CCL21: variants seen among roughly 807,000 people sequenced by gnomAD.
CCL21 encodes the protein C-C motif chemokine ligand 21, also known as C-C motif chemokine 21.
CCL21 carries 12 observed loss-of-function variants against 16.4 expected under a neutral mutation model. That is an observed-to-expected ratio of 0.73 (90% CI 0.47 to 1.18). CCL21 has a LOEUF of 1.18. Among genes scored for constraint, CCL21 ranks in the 50% most tolerant of loss-of-function variants. The pLI, the probability that CCL21 is intolerant of heterozygous loss-of-function variation, is 0.00. For synonymous variants in CCL21, 64 were observed against 62.1 expected, an observed-to-expected ratio of 1.03 and a Z score of -0.15; for missense variants, 155 against 163.8, an observed-to-expected ratio of 0.95 and a Z score of 0.29.
chr9:34,709,124 G>A lies in CCL21; in HGVS notation c.*270C>T. 3.7e-6 allele frequency: 2 copies of A among 547,372 alleles called. No individual in the cohort carries two copies. Among genetic ancestry groups the A allele is most frequent in the Middle Eastern group, 4.7e-4 (1 of 2,134 alleles). The allele number at this position is 547,372 out of a possible 1,614,324, so 33.9% of individuals were successfully genotyped here. A position where few individuals can be genotyped will look rare whatever the true frequency, so the allele number is the denominator to read the frequency against. ...AGGGTCCTGATGATTCTCCTTCAAG[G>A]GGACAGTCCTGCTGCCTCCTCTCAT... On this transcript the variant is annotated 3_prime_UTR_variant, in exon 4 of 4. Transcript: ENST00000259607.
In CCL21 at chr9:34,709,968, G is replaced by A. The variant is rs746848128; in HGVS notation, c.67+32C>T. ...CTATCCAGGCCTCTTGATCCCCTTAGCCCCATGCAAGGCCCCTCCCTGCCT... is the reference window on the plus strand; with the variant it reads ...CTATCCAGGCCTCTTGATCCCCTTAACCCCATGCAAGGCCCCTCCCTGCCT... On this transcript the variant is annotated intron_variant, in intron 1 of 3. Transcript: ENST00000259607. 15 of 1,614,078 alleles carry A rather than the reference G, an allele frequency of 9.3e-6. No homozygotes were observed. The Admixed American group carries it at 2.2e-4, about 23-fold the overall frequency.
In CCL21 at chr9:34,710,017, C is replaced by T; in HGVS notation, c.50G>A (p.Gly17Asp). 6.2e-7 allele frequency: 1 copy of T among 1,614,096 alleles called. No homozygotes were observed. The highest frequency in any genetic ancestry group is 1.1e-5 in the South Asian group (1 of 91,064). ...LSLLILVLAF[G>D]IPRTQGSDGG... ...CTTGGTACCTTGGGTCCTGGGGATGCCAAAGGCCAGAACCAGGATAAGGAG... is the reference window on the plus strand; with the variant it reads ...CTTGGTACCTTGGGTCCTGGGGATGTCAAAGGCCAGAACCAGGATAAGGAG... Residue 17 changes from glycine (G) to aspartate (D), a missense_variant, in exon 1 of 4, where the codon GGC becomes GAC. By Grantham distance (94) the Gly-to-Asp change is moderately conservative. Transcript: ENST00000259607.
Position 34,709,240 on chromosome 9 carries a change from G to A in CCL21, c.*154C>T. The A allele has an allele frequency of 3.3e-6, 3 of 916,160 alleles. No individual in the cohort carries two copies. Among genetic ancestry groups the A allele is most frequent in the African/African-American group, 1.7e-5 (1 of 59,784 alleles). 56.8% of individuals were successfully genotyped at this position (916,160 alleles called of 1,614,324 possible). On this transcript the variant is annotated 3_prime_UTR_variant, in exon 4 of 4. Coordinates refer to ENST00000259607, the MANE Select transcript of CCL21 (RefSeq NM_002989.4). ...GCAGGGTAGAGCTGGGAATGCAGATGGGGTGGTTAAAGCAGGAGAAAGAGT... is the reference window on the plus strand; with the variant it reads ...GCAGGGTAGAGCTGGGAATGCAGATAGGGTGGTTAAAGCAGGAGAAAGAGT...
Position 34,709,098 on chromosome 9 carries a change from C to T in CCL21, c.*296G>A, listed in dbSNP as rs1220186499. On this transcript the variant is annotated 3_prime_UTR_variant, in exon 4 of 4. Coordinates refer to ENST00000259607, the MANE Select transcript of CCL21 (RefSeq NM_002989.4). ...GTGTACTGGGGAGCCGTATCAGGTC[C>T]AGGGTCCTGATGATTCTCCTTCAAG... The T allele has an allele frequency of 5.9e-6, 3 of 508,880 alleles. No homozygotes were observed. The highest frequency in any genetic ancestry group is 2.9e-5 in the South Asian group (1 of 34,256). The allele number at this position is 508,880 out of a possible 1,614,324, so 31.5% of individuals were successfully genotyped here.
rs915935603 is a variant in CCL21 at position 34,709,575 on chromosome 9, G to A, written c.296C>T (p.Pro99Leu). The change falls in exon 3 of 4, where the codon CCA (proline) becomes CTA (leucine). Residue 99 changes from proline (P) to leucine (L), a missense_variant. Pro to Leu is a moderately conservative substitution (Grantham distance 98). Transcript: ENST00000259607. ...CCTGTCCTTCCTGCAGCCCTGGGCT[G>A]GTTTCTGTGGGGATGGTGTCTTGTC... is the stretch of plus-strand genomic sequence containing the variant. ...HLDKTPSPQK[P>L]AQGCRKDRGA... is the part of the protein sequence containing the mutation. 1 of 1,614,196 alleles carries A rather than the reference G, an allele frequency of 6.2e-7. No homozygotes were observed. Among genetic ancestry groups the A allele is most frequent in the South Asian group, 1.1e-5 (1 of 91,084 alleles).
Position 34,709,116 on chromosome 9 carries a change from CCTT to C in CCL21, c.*275_*277del. On this transcript the variant is annotated 3_prime_UTR_variant, in exon 4 of 4. Transcript: ENST00000259607. The stretch of plus-strand genomic sequence containing the variant: ...TCAGGTCCAGGGTCCTGATGATTCT[CCTT>C]CAAGGGGACAGTCCTGCTGCCTCCT... 1 of 540,312 alleles carries C rather than the reference CCTT, an allele frequency of 1.9e-6. No individual in the cohort carries two copies. The highest frequency in any genetic ancestry group is 3.6e-5 in the Admixed American group (1 of 27,804). The allele number at this position is 540,312 out of a possible 1,614,324, so 33.5% of individuals were successfully genotyped here.
Position 34,709,654 on chromosome 9 carries a change from C to T in CCL21, c.217G>A (p.Glu73Lys). The change falls in exon 3 of 4, where the codon GAG (glutamate) becomes AAG (lysine). Residue 73 changes from glutamate to lysine, a missense_variant. Glu to Lys is a moderately conservative substitution (Grantham distance 56). Transcript: ENST00000259607. Reference protein sequence around the residue: ...LFLPRKRSQAELCADPKELWV... With the variant: ...LFLPRKRSQAKLCADPKELWV... Reference sequence around the variant, plus strand: ...AGCTCCTTTGGGTCTGCACATAGCTCTGCCTGAGAGCGCTTGCGGGGCAAG... The same window carrying T: ...AGCTCCTTTGGGTCTGCACATAGCTTTGCCTGAGAGCGCTTGCGGGGCAAG... 1 of 1,614,144 alleles carries T rather than the reference C, an allele frequency of 6.2e-7. No homozygotes were observed. Among genetic ancestry groups the T allele is most frequent in the Non-Finnish European group, 8.5e-7 (1 of 1,180,024 alleles).
chr9:34,709,807 G>T lies in CCL21; in HGVS notation c.158C>A (p.Pro53Gln). ...KVVRSYRKQEPSLGCSIPAIL... is the reference protein window; with the variant it reads ...KVVRSYRKQEQSLGCSIPAIL... ...AGCTGGGATGGAGCAGCCTAAGCTT[G>T]GTTCCTGCTTCCGGTAGCTGCGGAC... The change falls in exon 2 of 4, where the codon CCA (proline) becomes CAA (glutamine). Residue 53 changes from proline (P) to glutamine (Q), a missense_variant. Pro to Gln is a moderately conservative substitution (Grantham distance 76, BLOSUM62 -1). Transcript: ENST00000259607. The T allele has an allele frequency of 6.2e-7, 1 of 1,614,074 alleles. No homozygotes were observed. Among genetic ancestry groups the T allele is most frequent in the East Asian group, 2.2e-5 (1 of 44,882 alleles).
At position 34,709,670 on chromosome 9, in the gene CCL21, GC is replaced by G; in HGVS notation, c.200del (p.Arg67ProfsTer20). The G allele has an allele frequency of 6.2e-7, 1 of 1,614,054 alleles. No individual in the cohort carries two copies. Among genetic ancestry groups the G allele is most frequent in the Non-Finnish European group, 8.5e-7 (1 of 1,179,944 alleles). ...CACATAGCTCTGCCTGAGAGCGCTTGCGGGGCAAGAACCTGCGGGTGGGGGC... is the reference window on the plus strand; with the variant it reads ...CACATAGCTCTGCCTGAGAGCGCTTGGGGGCAAGAACCTGCGGGTGGGGGC... ...CSIPAILFLP[R>X]KRSQAELCAD... is the part of the protein sequence containing the mutation. On this transcript the variant is annotated frameshift_variant, in exon 3 of 4. Coordinates refer to ENST00000259607, the MANE Select transcript of CCL21 (RefSeq NM_002989.4). LOFTEE classifies it high-confidence loss of function.
At position 34,709,551 on chromosome 9, in the gene CCL21, C is replaced by A. The variant is rs752548751; in HGVS notation, c.320G>T (p.Arg107Met). Residue 107 changes from arginine to methionine, a missense_variant, in exon 3 of 4, where the codon AGG becomes ATG. Coordinates refer to ENST00000259607, the MANE Select transcript of CCL21 (RefSeq NM_002989.4). The stretch of plus-strand genomic sequence containing the variant: ...TTTCTTGCCAGTCTTGGAGGCCCCC[C>A]TGTCCTTCCTGCAGCCCTGGGCTGG... ...QKPAQGCRKDRGASKTGKKGK... is the reference protein window; with the variant it reads ...QKPAQGCRKDMGASKTGKKGK... 1 of 1,614,192 alleles carries A rather than the reference C, an allele frequency of 6.2e-7. No individual in the cohort carries two copies. Among genetic ancestry groups the A allele is most frequent in the Non-Finnish European group, 8.5e-7 (1 of 1,180,010 alleles).
Position 34,709,682 on chromosome 9 carries a change from C to A in CCL21, c.189G>T (p.Leu63=), listed in dbSNP as rs1018666851. ...PSLGCSIPAI[L]FLPRKRSQAE... ...CCTGAGAGCGCTTGCGGGGCAAGAA[C>A]CTGCGGGTGGGGGCTAGTAAGCCTT... Residue 63 remains leucine, a splice_region_variant and synonymous_variant, in exon 3 of 4, where the codon CTG becomes CTT. Transcript: ENST00000259607. 6.2e-7 allele frequency: 1 copy of A among 1,613,730 alleles called. No homozygotes were observed. Among genetic ancestry groups the A allele is most frequent in the African/African-American group, 1.3e-5 (1 of 74,920 alleles).
At position 34,710,010 on chromosome 9, in the gene CCL21, G is replaced by A; in HGVS notation, c.57C>T (p.Pro19=). 2 of 1,614,110 alleles carry A rather than the reference G, an allele frequency of 1.2e-6. No homozygotes were observed. The highest frequency in any genetic ancestry group is 1.7e-6 in the Non-Finnish European group (2 of 1,179,998). ...LLILVLAFGI[P]RTQGSDGGAQ... is the part of the protein sequence containing the mutation. ...TCCCTGCCTTGGTACCTTGGGTCCT[G>A]GGGATGCCAAAGGCCAGAACCAGGA... Residue 19 remains proline (P), a synonymous_variant, in exon 1 of 4, where the codon CCC becomes CCT. Transcript: ENST00000259607.
Position 34,709,987 on chromosome 9 carries a change from C to A in CCL21, c.67+13G>T. 6.2e-7 allele frequency: 1 copy of A among 1,614,126 alleles called. No individual in the cohort carries two copies. The highest frequency in any genetic ancestry group is 8.5e-7 in the Non-Finnish European group (1 of 1,179,996). ...CCCTTAGCCCCATGCAAGGCCCCTCCCTGCCTTGGTACCTTGGGTCCTGGG... is the reference window on the plus strand; with the variant it reads ...CCCTTAGCCCCATGCAAGGCCCCTCACTGCCTTGGTACCTTGGGTCCTGGG... On this transcript the variant is annotated intron_variant, in intron 1 of 3. Coordinates refer to ENST00000259607, the MANE Select transcript of CCL21 (RefSeq NM_002989.4).
chr9:34,709,477 C>T (rs1426657360), intron 3 of CCL21, 23 bp downstream of exon 3: 1 of 1,613,862 alleles, frequency 6.2e-7, no homozygotes, highest in South Asian at 1.1e-5. Flanking sequence ...CTCCCCTTTA[C>T]CCACATCCCT....
In CCL21 at chr9:34,709,532, G is replaced by T. The variant is rs1587270645; in HGVS notation, c.339C>A (p.Gly113=). 1.9e-6 allele frequency: 3 copies of T among 1,614,086 alleles called. No individual in the cohort carries two copies. The East Asian group carries it at 6.7e-5, about 36-fold the overall frequency. The change falls in exon 3 of 4, where the codon GGC becomes GGA. Residue 113 remains glycine, a synonymous_variant. Transcript: ENST00000259607. ...CRKDRGASKT[G]KKGKGSKGCK... ...AGCCTTTGGAGCCCTTTCCTTTCTT[G>T]CCAGTCTTGGAGGCCCCCCTGTCCT...
Position 34,709,498 on chromosome 9 carries a change from A to C in CCL21, c.371+2T>G. On this transcript the variant is annotated splice_donor_variant, in intron 3 of 3. Coordinates refer to ENST00000259607, the MANE Select transcript of CCL21 (RefSeq NM_002989.4). LOFTEE classifies it high-confidence loss of function. ...TTTACCCACATCCCTCAGATTCCTC[A>C]CCTCTTGCAGCCTTTGGAGCCCTTT... 4.3e-6 allele frequency: 7 copies of C among 1,613,508 alleles called. No individual in the cohort carries two copies. The highest frequency in any genetic ancestry group is 5.9e-6 in the Non-Finnish European group (7 of 1,179,824).
chr9:34,709,909 G>A lies in CCL21; in HGVS notation c.68-12C>T. 2 of 1,614,192 alleles carry A rather than the reference G, an allele frequency of 1.2e-6. No homozygotes were observed. The highest frequency in any genetic ancestry group is 2.7e-5 in the African/African-American group (2 of 75,048). On this transcript the variant is annotated splice_polypyrimidine_tract_variant and intron_variant, in intron 1 of 3. Transcript: ENST00000259607. ...CCCTCCATCACTGCCTGCAGGGTGG[G>A]ATTCACAGGGAGCCAGGGGCTGCTG...
chr9:34,709,729 C>T (rs768495983), intron 2 of CCL21, 47 bp from the exon 3 acceptor site: 101 of 1,613,540 alleles, frequency 6.3e-5, no homozygotes, highest in Non-Finnish European at 8.4e-5. Flanking sequence ...CCACCATGCC[C>T]TCCCCACCCC....
At position 34,709,194 on chromosome 9, in the gene CCL21, T is replaced by A; in HGVS notation, c.*200A>T. The A allele has an allele frequency of 1.5e-6, 1 of 666,870 alleles. No homozygotes were observed. The highest frequency in any genetic ancestry group is 2.6e-6 in the Non-Finnish European group (1 of 386,290). The allele number at this position is 666,870 out of a possible 1,614,324, so 41.3% of individuals were successfully genotyped here. A position where few individuals can be genotyped will look rare whatever the true frequency, so the allele number is the denominator to read the frequency against. ...CTCCTCGGTCTCTCTGGACCTGGCC[T>A]GCTGTGGGCAGCTCAGCCATGCAGG... On this transcript the variant is annotated 3_prime_UTR_variant, in exon 4 of 4. Transcript: ENST00000259607.
Sources: allele counts gnomAD v4.1 joint callset, GRCh38; gene constraint gnomAD v4.1.1; transcripts MANE v1.5; gene names NCBI Gene and HGNC (gene_info 2026-07-23, HGNC 2026-07-21).